Variants in SLC28A3 observed in about 807,000 individuals in gnomAD.
SLC28A3 encodes concentrative Na(+)-nucleoside cotransporter 3.
SLC28A3 carries 68 observed loss-of-function variants against 84.2 expected under a neutral mutation model. The ratio of observed to expected loss-of-function variants is 0.81; its 90% CI spans 0.66 to 0.99. The LOEUF (loss-of-function observed/expected upper bound fraction) is 0.99. Among genes scored for constraint, SLC28A3 ranks in the 50% least tolerant of loss-of-function variants. The probability of loss-of-function intolerance (pLI) is 0.00; values close to 1 mark genes in which losing one functional copy is unlikely to be tolerated. For missense variants in SLC28A3, 712 were observed against 841.5 expected (o/e 0.85, Z 1.90); for synonymous variants, 267 against 303.6 (o/e 0.88, Z 1.25).
Position 84,297,288 on chromosome 9 carries a change from T to C in SLC28A3, c.794A>G (p.Glu265Gly). The change falls in exon 8 of 18, where the codon GAG (glutamate) becomes GGG (glycine). Residue 265 changes from glutamate (E) to glycine (G), a missense_variant. Glu to Gly is a moderately conservative substitution (Grantham distance 98). Coordinates refer to ENST00000376238, the MANE Select transcript of SLC28A3 (RefSeq NM_001199633.2). Reference sequence around the variant, plus strand: ...AAATGAAGCACCAGCATCTGTGTACTCCAGAAAAGTCTGAGTTAAAGAAAG... The same window carrying C: ...AAATGAAGCACCAGCATCTGTGTACCCCAGAAAAGTCTGAGTTAAAGAAAG... ...WLGRQVQTFL[E>G]YTDAGASFVF... 6.2e-7 allele frequency: 1 copy of C among 1,611,872 alleles called. No individual in the cohort carries two copies. Among genetic ancestry groups the C allele is most frequent in the Non-Finnish European group, 8.5e-7 (1 of 1,179,374 alleles).
chr9:84,342,630 C>A (rs928687393), upstream of SLC28A3, among the ~76,000 whole-genome samples: 1 of 150,996 alleles, frequency 6.6e-6, no homozygotes, highest in Non-Finnish European at 1.5e-5. Context: ...GTTGCCCAGA[C>A]TTGTCTTGAA....
At chr9:84,357,503 G>T in the SLC28A3 span, among the ~76,000 whole-genome samples, 8 of 152,002 alleles carry the variant, frequency 5.3e-5, no homozygotes, top group East Asian at 1.6e-3. Flanking sequence ...CTGGCCTGCC[G>T]CTCCTGTTGG....
At chr9:84,337,927 G>A (rs1213439047) in intron 1 of SLC28A3, among the ~76,000 whole-genome samples, 1 of 152,110 alleles carries the variant, frequency 6.6e-6, no homozygotes, top group Non-Finnish European at 1.5e-5. Context: ...CACTGACTTT[G>A]TGCTCCTGTT....
intron 10 of SLC28A3, among the ~76,000 whole-genome samples, chr9:84,291,004 C>A (rs554081727): frequency 6.6e-6 from 1 of 152,132 alleles, no homozygotes; most frequent in Non-Finnish European, 1.5e-5. Flanking sequence ...AGGCAGCCTG[C>A]GGCATGGGGC....
chr9:84,365,078 AT>A, the SLC28A3 span, among the ~76,000 whole-genome samples: 1 of 152,174 alleles, frequency 6.6e-6, no homozygotes, highest in Admixed American at 6.5e-5. Flanking sequence ...CTATTTTTAG[AT>A]TTTTGAGGAA....
intron 12 of SLC28A3, 77 bp downstream of exon 12, chr9:84,287,971 T>G: frequency 6.3e-7 from 1 of 1,576,348 alleles, no homozygotes; most frequent in Non-Finnish European, 8.6e-7. Context: ...GTTATCAAAT[T>G]TTTGCTGTAC....
At chr9:84,345,064 T>C (rs2118663324), upstream of SLC28A3, among the ~76,000 whole-genome samples, 1 of 152,298 alleles carries the variant, frequency 6.6e-6, no homozygotes, top group South Asian at 2.1e-4. Context: ...AGTGCTGAGA[T>C]GATAAAATGA....
the SLC28A3 span, among the ~76,000 whole-genome samples, chr9:84,363,777 T>TG: frequency 0.22 from 34,018 of 151,926 alleles, 5,124 homozygotes; most frequent in African/African-American, 0.43. Flanking sequence ...TTTGTAGAGA[T>TG]GGGGGTCTCA....
At chr9:84,316,011 C>G (rs1310065106) in intron 1 of SLC28A3, among the ~76,000 whole-genome samples, 2 of 152,130 alleles carry the variant, frequency 1.3e-5, no homozygotes, top group African/African-American at 2.4e-5. Flanking sequence ...TTTAATTTCT[C>G]TAGTTAGTTT....
At chr9:84,314,964 C>T (rs1453721549) in intron 1 of SLC28A3, among the ~76,000 whole-genome samples, 1 of 152,184 alleles carries the variant, frequency 6.6e-6, no homozygotes, top group Non-Finnish European at 1.5e-5. Flanking sequence ...GTAATCCCAA[C>T]TACTTGGGAG....
rs946054794 is a variant in SLC28A3, at chr9:84,276,035, T to C, written c.*2183A>G. ...TATGAATCTGCTCTGACCAATATGG[T>C]AGCCACTAATACCTGAAATATGGAG... On this transcript the variant is annotated 3_prime_UTR_variant, in exon 18 of 18. Coordinates refer to ENST00000376238, the MANE Select transcript of SLC28A3 (RefSeq NM_001199633.2). 7 of 152,196 alleles carry C rather than the reference T, an allele frequency of 4.6e-5. No homozygotes were observed. Among genetic ancestry groups the C allele is most frequent in the African/African-American group, 1.7e-4 (7 of 41,448 alleles). 9.4% of individuals were successfully genotyped at this position (152,196 alleles called of 1,614,324 possible).
intron 1 of SLC28A3, among the ~76,000 whole-genome samples, chr9:84,316,441 G>A (rs1435664938): frequency 1.3e-5 from 2 of 152,168 alleles, no homozygotes; most frequent in African/African-American, 2.4e-5. Context: ...AGGTGCACTT[G>A]TTCCTTTTTG....
rs1244246587 is a variant in SLC28A3, at chr9:84,290,223, GA to G, written c.1079del (p.Leu360ProfsTer5). The G allele has an allele frequency of 1.9e-6, 3 of 1,613,986 alleles. No homozygotes were observed. In the East Asian group the frequency reaches 6.7e-5, roughly 36 times the overall value. On this transcript the variant is annotated frameshift_variant, in exon 11 of 18. Transcript: ENST00000376238. LOFTEE classifies it high-confidence loss of function. The part of the protein sequence containing the change: ...PYLPYITKSE[L>X]HAIMTAGFST... ...AGAACCCGGCGGTCATGATGGCGTG[GA>G]GTTCAGACTTGGTGATGTAAGGTAA...
intron 1 of SLC28A3, among the ~76,000 whole-genome samples, chr9:84,315,098 A>C (rs1826126017): frequency 6.6e-6 from 1 of 151,424 alleles, no homozygotes; most frequent in African/African-American, 2.4e-5. Context: ...ACAAACAAAC[A>C]GCATGAAAAG....
intron 4 of SLC28A3, 123 bp from the exon 5 acceptor site, chr9:84,302,512 G>T: frequency 1.1e-6 from 1 of 897,310 alleles, no homozygotes; most frequent in Non-Finnish European, 1.7e-6. Flanking sequence ...CTGAATGCAG[G>T]AGTGCTCTTG....
intron 10 of SLC28A3, 193 bp downstream of exon 10, chr9:84,292,475 G>GTC (rs57280644): frequency 0.14 from 51,176 of 373,730 alleles, 3,741 homozygotes; most frequent in African/African-American, 0.42. Context: ...CTCTCTCTCT[G>GTC]TCTCTCTCTC....
At chr9:84,336,580 G>A (rs1245845335) in intron 1 of SLC28A3, among the ~76,000 whole-genome samples, 1 of 152,182 alleles carries the variant, frequency 6.6e-6, no homozygotes, top group African/African-American at 2.4e-5. Context: ...GGAGGCTGAG[G>A]TGGGAGGATT....
At chr9:84,368,191 G>A in the SLC28A3 span, among the ~76,000 whole-genome samples, 2 of 152,108 alleles carry the variant, frequency 1.3e-5, no homozygotes, top group Non-Finnish European at 2.9e-5. Flanking sequence ...GAATGGAGAT[G>A]ACTTTTACCA....
chr9:84,323,248 T>G (rs1826434668), intron 1 of SLC28A3, among the ~76,000 whole-genome samples: 2 of 152,178 alleles, frequency 1.3e-5, no homozygotes, highest in South Asian at 4.1e-4. Flanking sequence ...TTACCTGAAT[T>G]TCCCAGCAAG....
Sources: gnomAD v4.1 joint callset for allele counts (sites outside exome capture counted in the v4.1 genomes callset) on GRCh38, gnomAD v4.1.1 for gene constraint, MANE v1.5 for transcripts, NCBI Gene and HGNC (gene_info 2026-07-23, HGNC 2026-07-21) for gene names.